Variants in CARMIL1 observed in about 807,000 individuals in gnomAD.
The protein encoded by CARMIL1 is capping protein regulator and myosin 1 linker 1.
In CARMIL1, 90 loss-of-function variants were observed where a neutral mutation model predicts 177.1. The observed-to-expected ratio is 0.51, with a 90% confidence interval of 0.43 to 0.61. The LOEUF is 0.61. Ranked by LOEUF, CARMIL1 falls within the 20% of genes least tolerant of loss-of-function variation. The pLI, the probability that CARMIL1 is intolerant of heterozygous loss-of-function variation, is 0.00. For missense variants in CARMIL1, 1,380 were observed against 1,667.0 expected (o/e 0.83, Z 3.00); for synonymous variants, 577 against 606.2 (o/e 0.95, Z 0.71).
chr6:25,454,253 C>CT (rs369821157), intron 8 of CARMIL1, among the ~76,000 whole-genome samples: 14 of 151,772 alleles, frequency 9.2e-5, no homozygotes, highest in Non-Finnish European at 1.5e-4. Context: ...ATTTGGAAAA[C>CT]TTTTTTTTTG....
chr6:25,597,699 T>C (rs901379408), intron 32 of CARMIL1, among the ~76,000 whole-genome samples: 5 of 152,180 alleles, frequency 3.3e-5, no homozygotes, highest in African/African-American at 1.2e-4. Flanking sequence ...GGGGATTCCC[T>C]TCACCTCGTC....
At chr6:25,513,155 G>A (rs934025617) in intron 20 of CARMIL1, among the ~76,000 whole-genome samples, 2 of 152,138 alleles carry the variant, frequency 1.3e-5, no homozygotes, top group African/African-American at 4.8e-5. Flanking sequence ...TTAGGAAGAA[G>A]CTATAATATA....
At chr6:25,475,773 C>T (rs555911276) in intron 11 of CARMIL1, among the ~76,000 whole-genome samples, 230 of 152,314 alleles carry the variant, frequency 1.5e-3, no homozygotes, top group Non-Finnish European at 2.7e-3. Flanking sequence ...TTTGTTTTCT[C>T]TCCCGTTGTC....
At chr6:25,474,227 C>A (rs560724713) in intron 11 of CARMIL1, among the ~76,000 whole-genome samples, 1 of 151,704 alleles carries the variant, frequency 6.6e-6, no homozygotes, top group African/African-American at 2.4e-5. Context: ...CCTGCCTCAG[C>A]CTCCCGAGTA....
chr6:25,452,489 T>A (rs1799074719), intron 8 of CARMIL1: 1 of 354,196 alleles, frequency 2.8e-6, no homozygotes, highest in Admixed American at 4.4e-5. Context: ...CGATCTTTGG[T>A]TTTTGTGGGT....
intron 24 of CARMIL1, among the ~76,000 whole-genome samples, chr6:25,531,436 A>C (rs545020582): frequency 3.9e-4 from 59 of 152,372 alleles, no homozygotes; most frequent in African/African-American, 1.4e-3. Flanking sequence ...AAGGGTGTTC[A>C]TCACAATATT....
Position 25,279,645 on chromosome 6 carries a change from G to A in CARMIL1, c.-151G>A, listed in dbSNP as rs1780912080. On this transcript the variant is annotated 5_prime_UTR_variant, in exon 1 of 37. Transcript: ENST00000329474. The stretch of plus-strand genomic sequence containing the variant: ...TTTTTTGGTGGGGCGGGGGGCGCGC[G>A]GCAAAATTCTGTCTCCGCCCCCCCT... The A allele has an allele frequency of 4.4e-6, 3 of 677,610 alleles. No individual in the cohort carries two copies. The highest frequency in any genetic ancestry group is 5.2e-6 in the Non-Finnish European group (2 of 381,102). The allele number at this position is 677,610 out of a possible 1,614,324, so 42.0% of individuals were successfully genotyped here.
intron 2 of CARMIL1, among the ~76,000 whole-genome samples, chr6:25,295,084 T>C (rs1381876143): frequency 1.3e-5 from 2 of 152,140 alleles, no homozygotes; most frequent in Non-Finnish European, 2.9e-5. Flanking sequence ...GAAGTATCCC[T>C]GATATTTGCA....
intron 2 of CARMIL1, among the ~76,000 whole-genome samples, chr6:25,362,827 G>GA (rs1789363093): frequency 6.6e-6 from 1 of 152,000 alleles, no homozygotes; most frequent in South Asian, 2.1e-4. Context: ...CTGAGGTCAG[G>GA]AGTTTGAAAC....
intron 3 of CARMIL1, among the ~76,000 whole-genome samples, chr6:25,425,004 A>G (rs1678568554): frequency 6.6e-6 from 1 of 152,206 alleles, no homozygotes; most frequent in South Asian, 2.1e-4. Context: ...ATAATGAAGG[A>G]AGGTATGTAT....
At chr6:25,488,455 T>C in intron 12 of CARMIL1, 27 bp from the exon 13 acceptor site, 2 of 1,574,716 alleles carry the variant, frequency 1.3e-6, no homozygotes, top group South Asian at 1.1e-5. Context: ...GAGTGCAAAC[T>C]GAGCCTGGAT....
intron 29 of CARMIL1, among the ~76,000 whole-genome samples, chr6:25,576,477 G>C (rs1812598030): frequency 6.6e-6 from 1 of 152,158 alleles, no homozygotes; most frequent in African/African-American, 2.4e-5. Flanking sequence ...AGCACAGAGT[G>C]ATGTAAATGG....
chr6:25,498,795 T>C (rs973257132), intron 16 of CARMIL1, among the ~76,000 whole-genome samples: 9 of 152,204 alleles, frequency 5.9e-5, no homozygotes, highest in African/African-American at 2.2e-4. Context: ...CCTCCAGCGC[T>C]TTCACTGACT....
In CARMIL1 at chr6:25,509,388, C is replaced by T. The variant is rs566766289; in HGVS notation, c.1396-268C>T. Among the ~76,000 whole-genome samples the T allele has an allele frequency of 2.0e-5, 3 of 152,086 alleles. No individual in the cohort carries two copies. Among genetic ancestry groups the T allele is most frequent in the East Asian group, 1.9e-4 (1 of 5,182 alleles). On this transcript the variant is annotated intron_variant, in intron 17 of 36. Coordinates refer to ENST00000329474, the MANE Select transcript of CARMIL1 (RefSeq NM_017640.6). This position sits in a 1 kb window ranked among gnomAD's most constrained non-coding sequence, Gnocchi z 4.1. Reference sequence around the variant, plus strand: ...ATGCACTGCTTTGCTACTATAGTGGCGTGGGTGGTGGTCATCTTGTTTCTC... The same window carrying T: ...ATGCACTGCTTTGCTACTATAGTGGTGTGGGTGGTGGTCATCTTGTTTCTC...
chr6:25,428,792 TTG>T (rs1286038897), intron 4 of CARMIL1, among the ~76,000 whole-genome samples: 2 of 152,218 alleles, frequency 1.3e-5, no homozygotes, highest in Non-Finnish European at 2.9e-5. Context: ...CTACTATAAA[TTG>T]TGTTATTTTT....
intron 29 of CARMIL1, chr6:25,563,661 T>C: frequency 1.0e-6 from 1 of 985,246 alleles, no homozygotes; most frequent in Non-Finnish European, 1.2e-6. Flanking sequence ...ATGCTTATTG[T>C]CCATCCATCA....
rs1258400456 is a variant in CARMIL1, at chr6:25,372,653, T to A, written c.139-47461T>A. On this transcript the variant is annotated intron_variant, in intron 2 of 36. Coordinates refer to ENST00000329474, the MANE Select transcript of CARMIL1 (RefSeq NM_017640.6). ...TCTAGGAGTCTTTTGGAGGAGTCTT[T>A]AGGGTTTTCTAGGTATATAATCATA... Among the ~76,000 whole-genome samples, 9 of 152,284 alleles carry A rather than the reference T, an allele frequency of 5.9e-5. No homozygotes were observed. In the East Asian group the frequency reaches 1.5e-3, roughly 26 times the overall value.
chr6:25,547,656 C>T (rs1404208828), intron 26 of CARMIL1, among the ~76,000 whole-genome samples: 1 of 152,082 alleles, frequency 6.6e-6, no homozygotes, highest in African/African-American at 2.4e-5. Flanking sequence ...TCACAATTGC[C>T]ACCAGGTTAT....
chr6:25,617,653 G>A (rs760759256), intron 36 of CARMIL1, among the ~76,000 whole-genome samples: 12 of 152,154 alleles, frequency 7.9e-5, no homozygotes, highest in Non-Finnish European at 1.3e-4. Flanking sequence ...ATGTTTTCAG[G>A]ATGAAGATAA....
Sources: allele counts gnomAD v4.1 joint callset (sites outside exome capture counted in the v4.1 genomes callset), GRCh38; gene constraint gnomAD v4.1.1; non-coding constraint Gnocchi (gnomAD v3.1); transcripts MANE v1.5; gene names NCBI Gene and HGNC (gene_info 2026-07-23, HGNC 2026-07-21).